The following PRMT3 variants were observed in gnomAD, a reference collection of about 807,000 sequenced individuals.
PRMT3 encodes the protein protein arginine N-methyltransferase 3.
Under a neutral mutation model 71.9 loss-of-function variants are expected in PRMT3, and 62 were observed. The ratio of observed to expected loss-of-function variants is 0.86; its 90% confidence interval spans 0.70 to 1.07. PRMT3 has a LOEUF of 1.07. Among genes scored for constraint, PRMT3 ranks in the 50% least tolerant of loss-of-function variants. The pLI, the probability that PRMT3 is intolerant of heterozygous loss-of-function variation, is 0.00. For missense variants in PRMT3, 663 were observed against 643.0 expected (o/e 1.03, Z -0.34); for synonymous variants, 213 against 220.4 (o/e 0.97, Z 0.30).
At chr11:20,485,921 A>G (rs1481717794) in intron 13 of PRMT3, among the ~76,000 whole-genome samples, 1 of 152,258 alleles carries the variant, frequency 6.6e-6, no homozygotes. Context: ...TGTTTATAGC[A>G]GCATTATTCA....
chr11:20,396,099 T>TA (rs1848820118), intron 6 of PRMT3, 137 bp downstream of exon 6: 1 of 752,602 alleles, frequency 1.3e-6, no homozygotes. Flanking sequence ...CTGTTAAAGA[T>TA]ATGTAGCATT....
intron 10 of PRMT3, among the ~76,000 whole-genome samples, chr11:20,436,562 C>T (rs1849764821): frequency 6.6e-6 from 1 of 151,996 alleles, no homozygotes; most frequent in Admixed American, 6.6e-5. Context: ...TTTTGTCCTT[C>T]ATTTTGTTGA....
intron 13 of PRMT3, among the ~76,000 whole-genome samples, chr11:20,480,411 GTC>G (rs1239952967): frequency 1.3e-5 from 2 of 152,158 alleles, no homozygotes; most frequent in Admixed American, 1.3e-4. Flanking sequence ...GCCAAAAAAT[GTC>G]TATCTGGTGG....
At chr11:20,402,762 T>C (rs1357894318) in intron 7 of PRMT3, among the ~76,000 whole-genome samples, 157 bp from the exon 8 acceptor site, 2 of 152,244 alleles carry the variant, frequency 1.3e-5, no homozygotes, top group Non-Finnish European at 2.9e-5. Flanking sequence ...ATTTCTATTC[T>C]TTATTGTTTT....
At chr11:20,504,681 G>C (rs556916332) in intron 15 of PRMT3, among the ~76,000 whole-genome samples, 9 of 140,600 alleles carry the variant, frequency 6.4e-5, no homozygotes, top group Non-Finnish European at 1.2e-4. Context: ...TTTATCTCAA[G>C]TATTGTATGT....
chr11:20,458,592 A>G (rs896172337), intron 11 of PRMT3, among the ~76,000 whole-genome samples: 1 of 152,200 alleles, frequency 6.6e-6, no homozygotes, highest in Non-Finnish European at 1.5e-5. Context: ...TCAGAATGCA[A>G]AGGTAAAGGG....
chr11:20,496,388 A>G (rs989346858), intron 15 of PRMT3, among the ~76,000 whole-genome samples: 1 of 152,170 alleles, frequency 6.6e-6, no homozygotes, highest in African/African-American at 2.4e-5. Flanking sequence ...GCTTTACTCC[A>G]GCTGGGGCGA....
chr11:20,398,012 T>TAAAAAAA (rs11424785), intron 7 of PRMT3, among the ~76,000 whole-genome samples: 1 of 121,714 alleles, frequency 8.2e-6, no homozygotes, highest in African/African-American at 3.1e-5. Context: ...TGTCTCTATT[T>TAAAAAAA]AAAAAAAAAA....
At chr11:20,507,706 G>A (rs1261217854) in intron 15 of PRMT3, among the ~76,000 whole-genome samples, 2 of 152,144 alleles carry the variant, frequency 1.3e-5, no homozygotes, top group Non-Finnish European at 2.9e-5. Context: ...CTTGAACACG[G>A]GAGGCAGAGG....
intron 15 of PRMT3, among the ~76,000 whole-genome samples, chr11:20,504,237 A>G (rs966125871): frequency 9.8e-5 from 15 of 152,288 alleles, no homozygotes; most frequent in African/African-American, 3.4e-4. Flanking sequence ...CTCCATCATC[A>G]TTTCTTAAAA....
At chr11:20,417,960 T>C (rs1459045193) in intron 9 of PRMT3, among the ~76,000 whole-genome samples, 1 of 152,176 alleles carries the variant, frequency 6.6e-6, no homozygotes, top group East Asian at 1.9e-4. Flanking sequence ...CTGTCTCTCT[T>C]AGACCATACC....
At chr11:20,458,487 C>T (rs1850315749) in intron 11 of PRMT3, among the ~76,000 whole-genome samples, 1 of 152,168 alleles carries the variant, frequency 6.6e-6, no homozygotes, top group Non-Finnish European at 1.5e-5. Context: ...TAAGAGCATG[C>T]TTTTGTCCAA....
At chr11:20,501,220 C>A (rs1022677135) in intron 15 of PRMT3, among the ~76,000 whole-genome samples, 1 of 152,162 alleles carries the variant, frequency 6.6e-6, no homozygotes, top group Non-Finnish European at 1.5e-5. Context: ...ACATTTGTTA[C>A]AACATCTTAG....
Position 20,494,197 on chromosome 11 carries a change from A to G in PRMT3, c.1429A>G (p.Lys477Glu), listed in dbSNP as rs769570384. 17 of 1,611,886 alleles carry G rather than the reference A, an allele frequency of 1.1e-5. No homozygotes were observed. The highest frequency in any genetic ancestry group is 1.4e-5 in the Non-Finnish European group (17 of 1,177,970). The change falls in exon 15 of 16, where the codon AAA (lysine) becomes GAA (glutamate). Residue 477 changes from lysine to glutamate, a missense_variant. Transcript: ENST00000331079. ...VVFSTGPQST[K>E]THWKQTVFLL... Reference sequence around the variant, plus strand: ...GTTCTCTACGGGCCCTCAGAGCACCAAAACACACTGGAAACAAACAGTATT... The same window carrying G: ...GTTCTCTACGGGCCCTCAGAGCACCGAAACACACTGGAAACAAACAGTATT...
At chr11:20,395,726 G>A (rs11025547) in intron 5 of PRMT3, 77 bp from the exon 6 acceptor site, 69,724 of 1,374,086 alleles carry the variant, frequency 0.051, 2,370 homozygotes, top group East Asian at 0.18. Context: ...AACTTAGGGC[G>A]TATTTATTCC....
chr11:20,452,556 C>G (rs1026982466), intron 11 of PRMT3, among the ~76,000 whole-genome samples: 9 of 151,878 alleles, frequency 5.9e-5, no homozygotes, highest in Admixed American at 2.0e-4. Flanking sequence ...CCCTTTTTTC[C>G]CAATGGCATA....
intron 10 of PRMT3, among the ~76,000 whole-genome samples, chr11:20,437,238 G>A (rs1034607055): frequency 6.6e-6 from 1 of 151,014 alleles, no homozygotes; most frequent in Admixed American, 6.6e-5. Context: ...TTGATCTTTT[G>A]TATTTTTTAA....
chr11:20,498,929 TAAAG>T (rs1307518936), intron 15 of PRMT3, among the ~76,000 whole-genome samples: 2 of 152,178 alleles, frequency 1.3e-5, no homozygotes, highest in Non-Finnish European at 2.9e-5. Context: ...AGACATGTAT[TAAAG>T]TAAGTTCAAG....
At chr11:20,409,444 A>G (rs1053351334) in intron 9 of PRMT3, among the ~76,000 whole-genome samples, 13 of 152,340 alleles carry the variant, frequency 8.5e-5, no homozygotes, top group African/African-American at 1.9e-4. Context: ...CCCAGCACAT[A>G]GTAAATATTT....
Sources: allele counts gnomAD v4.1 joint callset (sites outside exome capture counted in the v4.1 genomes callset), GRCh38; gene constraint gnomAD v4.1.1; transcripts MANE v1.5; gene names NCBI Gene and HGNC (gene_info 2026-07-23, HGNC 2026-07-21).